The following PTK2B variants were observed in gnomAD, a reference collection of about 807,000 sequenced individuals.
PTK2B encodes the protein protein tyrosine kinase 2 beta.
In PTK2B, 71 loss-of-function variants were observed where a neutral mutation model predicts 142.9. The observed-to-expected ratio is 0.50, with a 90% CI of 0.41 to 0.61. The LOEUF (loss-of-function observed/expected upper bound fraction) is 0.61. PTK2B is among the 20% of genes least tolerant of loss of function. The pLI, the probability that PTK2B is intolerant of heterozygous loss-of-function variation, is 0.00. For synonymous variants in PTK2B, 519 were observed against 503.4 expected (o/e 1.03, Z -0.42); for missense variants, 1,105 against 1,320.4 (o/e 0.84, Z 2.53).
chr8:27,330,777 G>A (rs924120101), intron 1 of PTK2B, among the ~76,000 whole-genome samples: 3 of 152,210 alleles, frequency 2.0e-5, no homozygotes, highest in Non-Finnish European at 4.4e-5. Context: ...GGGCAGGTTG[G>A]TGTGAATGCA....
intron 2 of PTK2B, among the ~76,000 whole-genome samples, chr8:27,414,741 A>G (rs554776858): frequency 1.3e-4 from 20 of 152,270 alleles, no homozygotes; most frequent in African/African-American, 4.8e-4. Context: ...CCCCATCTCC[A>G]TAAGAGTTTC....
At chr8:27,391,386 T>C (rs1172598760) in intron 1 of PTK2B, among the ~76,000 whole-genome samples, 1 of 152,192 alleles carries the variant, frequency 6.6e-6, no homozygotes. Flanking sequence ...CGTGAGCCAC[T>C]GCACCCAGCC....
At chr8:27,392,963 C>T (rs936607425) in intron 1 of PTK2B, among the ~76,000 whole-genome samples, 1 of 152,212 alleles carries the variant, frequency 6.6e-6, no homozygotes, top group African/African-American at 2.4e-5. Context: ...GTTCTGGATT[C>T]TTCACTGACT....
At chr8:27,365,231 G>A (rs754759390) in intron 1 of PTK2B, among the ~76,000 whole-genome samples, 5 of 152,134 alleles carry the variant, frequency 3.3e-5, no homozygotes, top group Non-Finnish European at 5.9e-5. Context: ...ATTTGATGGC[G>A]ATATCTGTCT....
At chr8:27,443,360 C>T (rs1283913142) in intron 22 of PTK2B, among the ~76,000 whole-genome samples, 1 of 152,204 alleles carries the variant, frequency 6.6e-6, no homozygotes, top group Non-Finnish European at 1.5e-5. Context: ...AGCTCAGGAG[C>T]CAGGGCCCTG....
intron 18 of PTK2B, among the ~76,000 whole-genome samples, chr8:27,438,375 C>G (rs532855962): frequency 6.6e-6 from 1 of 152,120 alleles, no homozygotes; most frequent in African/African-American, 2.4e-5. Flanking sequence ...TGGCTTTGTT[C>G]CCATTCCCTG....
At chr8:27,429,446 C>T (rs1209386214) in intron 5 of PTK2B, among the ~76,000 whole-genome samples, 1 of 152,168 alleles carries the variant, frequency 6.6e-6, no homozygotes, top group East Asian at 1.9e-4. Flanking sequence ...GAGGCTGGCA[C>T]ATGTGAGAAC....
chr8:27,457,252 T>C (rs946403046), intron 30 of PTK2B, among the ~76,000 whole-genome samples: 1 of 152,254 alleles, frequency 6.6e-6, no homozygotes, highest in African/African-American at 2.4e-5. Context: ...CCAGTGCTGA[T>C]TGGCCATTCT....
intron 1 of PTK2B, among the ~76,000 whole-genome samples, chr8:27,350,843 G>A (rs1351839971): frequency 6.7e-6 from 1 of 149,882 alleles, no homozygotes; most frequent in African/African-American, 2.5e-5. Context: ...GGTGTTGGTG[G>A]CACATGCCTG....
chr8:27,458,619 C>A lies in PTK2B; in HGVS notation c.*110C>A, dbSNP rs1310335536. On this transcript the variant is annotated 3_prime_UTR_variant, in exon 31 of 31. Transcript: ENST00000346049. ...CCAGGGGGAAGGCCAAGGGGAGTCA[C>A]CTTCCCTTGCCACTTTGCACGACGC... 18 of 1,120,146 alleles carry A rather than the reference C, an allele frequency of 1.6e-5. No homozygotes were observed. The highest frequency in any genetic ancestry group is 2.9e-4 in the Middle Eastern group (1 of 3,476). 69.4% of individuals were successfully genotyped at this position (1,120,146 alleles called of 1,614,324 possible). A position where few individuals can be genotyped will look rare whatever the true frequency, so the allele number is the denominator to read the frequency against.
chr8:27,342,072 GTGGACGCTGC>G (rs1222051584), intron 1 of PTK2B, among the ~76,000 whole-genome samples: 2 of 152,180 alleles, frequency 1.3e-5, no homozygotes, highest in Non-Finnish European at 2.9e-5. Flanking sequence ...TGCAAGTGAT[GTGGACGCTGC>G]TGGCCTGGGA....
At position 27,458,619 on chromosome 8, in the gene PTK2B, C is replaced by T; in HGVS notation, c.*110C>T. ...CCAGGGGGAAGGCCAAGGGGAGTCA[C>T]CTTCCCTTGCCACTTTGCACGACGC... On this transcript the variant is annotated 3_prime_UTR_variant, in exon 31 of 31. Transcript: ENST00000346049. 2 of 1,120,268 alleles carry T rather than the reference C, an allele frequency of 1.8e-6. No individual in the cohort carries two copies. Among genetic ancestry groups the T allele is most frequent in the South Asian group, 3.0e-5 (2 of 67,392 alleles). 69.4% of individuals were successfully genotyped at this position (1,120,268 alleles called of 1,614,324 possible). A position where few individuals can be genotyped will look rare whatever the true frequency, so the allele number is the denominator to read the frequency against.
intron 27 of PTK2B, chr8:27,452,855 G>T: frequency 1.8e-6 from 1 of 552,486 alleles, no homozygotes; most frequent in East Asian, 2.9e-5. Context: ...GCCAGAGCTG[G>T]GGCACCACTG....
Position 27,433,431 on chromosome 8 carries a change from G to C in PTK2B, c.988-4G>C, listed in dbSNP as rs373669820. On this transcript the variant is annotated splice_polypyrimidine_tract_variant and splice_region_variant and intron_variant, in intron 10 of 30. Transcript: ENST00000346049. ...CTCACCCTTGGCTGGTCTCTGCTCCGCAGGCCTTGTCCATCAAAACCTCAT... is the reference window on the plus strand; with the variant it reads ...CTCACCCTTGGCTGGTCTCTGCTCCCCAGGCCTTGTCCATCAAAACCTCAT... The C allele has an allele frequency of 9.9e-6, 16 of 1,612,334 alleles. No homozygotes were observed. In the Admixed American group the frequency reaches 2.5e-4, roughly 25 times the overall value.
chr8:27,445,858 T>C lies in PTK2B; in HGVS notation c.2279T>C (p.Val760Ala). The C allele has an allele frequency of 6.2e-7, 1 of 1,614,104 alleles. No homozygotes were observed. Among genetic ancestry groups the C allele is most frequent in the Non-Finnish European group, 8.5e-7 (1 of 1,180,046 alleles). The change falls in exon 24 of 31, where the codon GTT (valine) becomes GCT (alanine). Residue 760 changes from valine to alanine, a missense_variant. Val to Ala is a moderately conservative substitution (Grantham distance 64). Coordinates refer to ENST00000346049, the MANE Select transcript of PTK2B (RefSeq NM_173176.3). Reference protein sequence around the residue: ...LTSPMEYPSPVNSLHTPPLHR... With the variant: ...LTSPMEYPSPANSLHTPPLHR... ...AGCCCTATGGAGTATCCATCTCCCGTTAACTCACTGCACACCCCACCTCTC... is the reference window on the plus strand; with the variant it reads ...AGCCCTATGGAGTATCCATCTCCCGCTAACTCACTGCACACCCCACCTCTC...
intron 21 of PTK2B, among the ~76,000 whole-genome samples, chr8:27,441,431 A>G (rs1200475528): frequency 6.6e-6 from 1 of 152,214 alleles, no homozygotes; most frequent in East Asian, 1.9e-4. Context: ...AATTGACTTG[A>G]AAAATATTTT....
intron 7 of PTK2B, among the ~76,000 whole-genome samples, 182 bp downstream of exon 7, chr8:27,430,600 A>T (rs1422690695): frequency 6.6e-6 from 1 of 152,088 alleles, no homozygotes; most frequent in Non-Finnish European, 1.5e-5. Context: ...CAACTGTTAC[A>T]TGCCTGGGCT....
At chr8:27,430,693 G>A (rs1478552454) in intron 7 of PTK2B, among the ~76,000 whole-genome samples, 183 bp from the exon 8 acceptor site, 1 of 152,196 alleles carries the variant, frequency 6.6e-6, no homozygotes, top group Non-Finnish European at 1.5e-5. Context: ...CCTTCGTAGG[G>A]TTACGGGGAG....
rs375298860 is a variant in PTK2B, at chr8:27,371,941, C to T, written c.-37-25607C>T. 5.9e-5 allele frequency among the ~76,000 whole-genome samples: 9 copies of T among 152,330 alleles called. No homozygotes were observed. In the South Asian group the frequency reaches 6.2e-4, roughly 11 times the overall value. ...TGCCAGGCACCGATCCAGGCAGAGG[C>T]GCATGGCCTGGGAAGTACCAATATG... is the stretch of plus-strand genomic sequence containing the variant. On this transcript the variant is annotated intron_variant, in intron 1 of 30. Coordinates refer to ENST00000346049, the MANE Select transcript of PTK2B (RefSeq NM_173176.3).
Sources: allele counts gnomAD v4.1 joint callset (sites outside exome capture counted in the v4.1 genomes callset), GRCh38; gene constraint gnomAD v4.1.1; transcripts MANE v1.5; gene names NCBI Gene and HGNC (gene_info 2026-07-23, HGNC 2026-07-21).